Variants in WDPCP observed in about 807,000 individuals in gnomAD.
The protein encoded by WDPCP is WD repeat containing planar cell polarity effector.
In WDPCP, 71 loss-of-function variants were observed where a neutral mutation model predicts 93.1. The observed-to-expected ratio is 0.76, with a 90% confidence interval of 0.63 to 0.93. The LOEUF is 0.93. Ranked by LOEUF, WDPCP falls within the 40% of genes least tolerant of loss-of-function variation. WDPCP has a pLI of 0.00. For missense variants in WDPCP, 844 were observed against 887.4 expected (o/e 0.95, Z 0.62); for synonymous variants, 315 against 315.0 (o/e 1.00, Z 0.00).
intron 1 of WDPCP, among the ~76,000 whole-genome samples, chr2:63,495,004 G>A (rs538537022): frequency 6.6e-6 from 1 of 151,900 alleles, no homozygotes; most frequent in East Asian, 1.9e-4. Context: ...GGTGAAGTAG[G>A]AAAGGGTAAG....
intron 2 of WDPCP, among the ~76,000 whole-genome samples, chr2:63,781,519 C>G (rs576724630): frequency 6.6e-6 from 1 of 151,994 alleles, no homozygotes; most frequent in Non-Finnish European, 1.5e-5. Flanking sequence ...GAGTGCTTAC[C>G]CTAGGCACTG....
intron 2 of WDPCP, among the ~76,000 whole-genome samples, chr2:63,706,940 G>T (rs1669165400): frequency 6.6e-6 from 1 of 152,164 alleles, no homozygotes; most frequent in Non-Finnish European, 1.5e-5. Context: ...CTTTAAGAAT[G>T]TTGAATATTG....
At chr2:63,198,539 T>C (rs1675638506) in intron 14 of WDPCP, among the ~76,000 whole-genome samples, 1 of 151,994 alleles carries the variant, frequency 6.6e-6, no homozygotes, top group Non-Finnish European at 1.5e-5. Context: ...TGGTGGGAGG[T>C]GATTGGATCA....
At chr2:63,822,467 A>G (rs1671038049) in intron 1 of WDPCP, among the ~76,000 whole-genome samples, 1 of 152,200 alleles carries the variant, frequency 6.6e-6, no homozygotes, top group Non-Finnish European at 1.5e-5. Flanking sequence ...CAGTTTGCAC[A>G]CACTAAATTT....
chr2:63,349,931 A>C (rs1689461871), intron 12 of WDPCP, among the ~76,000 whole-genome samples: 1 of 152,192 alleles, frequency 6.6e-6, no homozygotes, highest in South Asian at 2.1e-4. Context: ...TTTCTGAAAG[A>C]CTGAAATGGA....
intron 14 of WDPCP, among the ~76,000 whole-genome samples, chr2:63,246,052 T>C (rs939883758): frequency 2.0e-5 from 3 of 152,168 alleles, no homozygotes; most frequent in African/African-American, 7.2e-5. Context: ...TCTATAATAT[T>C]GATGAAACAT....
At chr2:63,448,216 CA>C (rs2105606459) in intron 6 of WDPCP, among the ~76,000 whole-genome samples, 1 of 152,178 alleles carries the variant, frequency 6.6e-6, no homozygotes, top group South Asian at 2.1e-4. Flanking sequence ...GGACCACACT[CA>C]ACCGTTGCCC....
chr2:63,573,240 T>C (rs1398293808), intron 1 of WDPCP, among the ~76,000 whole-genome samples: 1 of 140,498 alleles, frequency 7.1e-6, no homozygotes, highest in African/African-American at 2.6e-5. Context: ...AAGACCTGCC[T>C]CAAAAAAAAA....
intron 13 of WDPCP, among the ~76,000 whole-genome samples, chr2:63,277,444 A>G (rs1400665210): frequency 6.6e-6 from 1 of 152,222 alleles, no homozygotes; most frequent in East Asian, 1.9e-4. Context: ...TGCTTCACTT[A>G]AAAGATACAG....
intron 14 of WDPCP, among the ~76,000 whole-genome samples, chr2:63,235,722 A>G (rs1397131394): frequency 6.6e-6 from 1 of 152,198 alleles, no homozygotes; most frequent in Non-Finnish European, 1.5e-5. Context: ...GTGATTCACC[A>G]CATAAACAGA....
At chr2:63,444,653 G>A (rs953522515) in intron 6 of WDPCP, among the ~76,000 whole-genome samples, 2 of 152,156 alleles carry the variant, frequency 1.3e-5, no homozygotes, top group African/African-American at 4.8e-5. Context: ...AGGCAAGGTG[G>A]TAAAGGGAGG....
At chr2:63,660,035 G>C (rs1432971110) in intron 2 of WDPCP, among the ~76,000 whole-genome samples, 1 of 152,000 alleles carries the variant, frequency 6.6e-6, no homozygotes, top group African/African-American at 2.4e-5. Context: ...TTTTTTCACA[G>C]CCAAAGATCC....
chr2:63,214,972 G>C (rs1270111883), intron 14 of WDPCP, among the ~76,000 whole-genome samples: 2 of 152,176 alleles, frequency 1.3e-5, no homozygotes, highest in African/African-American at 4.8e-5. Flanking sequence ...CAAAATAAAA[G>C]AGGACACAAA....
chr2:63,559,118 C>T (rs1384763947), intron 1 of WDPCP, among the ~76,000 whole-genome samples: 1 of 152,156 alleles, frequency 6.6e-6, no homozygotes, highest in African/African-American at 2.4e-5. Flanking sequence ...GAATGCAAGG[C>T]TGGTTCAACA....
At chr2:63,472,873 T>TA (rs757743324) in intron 6 of WDPCP, among the ~76,000 whole-genome samples, 12 of 152,216 alleles carry the variant, frequency 7.9e-5, no homozygotes, top group Non-Finnish European at 1.5e-4. Flanking sequence ...TATTCCTTGT[T>TA]AAAAACAGCA....
chr2:63,221,611 T>C (rs539462323), intron 14 of WDPCP, among the ~76,000 whole-genome samples: 1 of 152,302 alleles, frequency 6.6e-6, no homozygotes, highest in East Asian at 1.9e-4. Context: ...TGGAGGTACA[T>C]GTATCACAAA....
At chr2:63,122,241 C>A (rs181338425) in intron 17 of WDPCP, among the ~76,000 whole-genome samples, 185 bp from the exon 18 acceptor site, 1 of 151,790 alleles carries the variant, frequency 6.6e-6, no homozygotes, top group African/African-American at 2.4e-5. Flanking sequence ...AATTTTGATA[C>A]GATATTTATA....
At chr2:63,493,760 C>T (rs1701037846) in intron 1 of WDPCP, among the ~76,000 whole-genome samples, 1 of 151,768 alleles carries the variant, frequency 6.6e-6, no homozygotes, top group Non-Finnish European at 1.5e-5. Context: ...CAAATGTTTG[C>T]TTGGAAATAA....
chr2:63,552,258 T>A (rs1317414923), intron 1 of WDPCP, among the ~76,000 whole-genome samples: 1 of 151,156 alleles, frequency 6.6e-6, no homozygotes, highest in African/African-American at 2.4e-5. Context: ...AAAAAATAAA[T>A]TTTCTCTATT....
Sources: gnomAD v4.1 joint callset for allele counts (sites outside exome capture counted in the v4.1 genomes callset) on GRCh38, gnomAD v4.1.1 for gene constraint, MANE v1.5 for transcripts, NCBI Gene and HGNC (gene_info 2026-07-23, HGNC 2026-07-21) for gene names.